FNIP2: variants seen among roughly 807,000 people sequenced by gnomAD.
FNIP2 encodes folliculin-interacting protein 2.
In FNIP2, 32 loss-of-function variants were observed where a neutral mutation model predicts 108.7. The observed-to-expected ratio is 0.29, with a 90% CI of 0.22 to 0.40. The LOEUF is 0.40. FNIP2 is among the 10% of genes least tolerant of loss of function. FNIP2 has a pLI of 1.00. For missense variants in FNIP2, 1,202 were observed against 1,381.6 expected, an observed-to-expected ratio of 0.87 and a Z score of 2.06; for synonymous variants, 480 against 496.7, an observed-to-expected ratio of 0.97 and a Z score of 0.45.
chr4:158,878,921 G>A (rs1560826077), intron 14 of FNIP2, among the ~76,000 whole-genome samples: 1 of 135,440 alleles, frequency 7.4e-6, no homozygotes, highest in Non-Finnish European at 1.6e-5. Flanking sequence ...AAAACTCCAG[G>A]TATAGGTTAA....
chr4:158,856,989 A>C (rs1226254455), intron 8 of FNIP2, among the ~76,000 whole-genome samples: 1 of 152,188 alleles, frequency 6.6e-6, no homozygotes, highest in Admixed American at 6.5e-5. Context: ...AATTCAGTGG[A>C]GGGTTATGGT....
chr4:158,771,193 A>G (rs990596597), intron 1 of FNIP2, among the ~76,000 whole-genome samples: 20 of 152,272 alleles, frequency 1.3e-4, no homozygotes, highest in African/African-American at 4.8e-4. Context: ...ATCCCAGTTG[A>G]ACATCCTACT....
At chr4:158,814,656 G>C (rs1777463422) in intron 1 of FNIP2, among the ~76,000 whole-genome samples, 1 of 152,196 alleles carries the variant, frequency 6.6e-6, no homozygotes. Flanking sequence ...AATGAGAAAA[G>C]GGGTTGCTTT....
chr4:158,864,979 C>T (rs1243522355), intron 12 of FNIP2, among the ~76,000 whole-genome samples: 1 of 152,092 alleles, frequency 6.6e-6, no homozygotes, highest in Non-Finnish European at 1.5e-5. Context: ...TGAGTCTCCA[C>T]TCTGTGTCCC....
At chr4:158,802,541 A>G (rs903994141) in intron 1 of FNIP2, among the ~76,000 whole-genome samples, 1 of 152,192 alleles carries the variant, frequency 6.6e-6, no homozygotes, top group Non-Finnish European at 1.5e-5. Context: ...CTTCTGAGTT[A>G]ATTTTTCATT....
chr4:158,885,165 A>T (rs1016856106), intron 14 of FNIP2, among the ~76,000 whole-genome samples: 12 of 152,032 alleles, frequency 7.9e-5, no homozygotes, highest in East Asian at 5.8e-4. Flanking sequence ...CAAAAAAAAT[A>T]AAAAAATCAG....
At chr4:158,829,773 G>A (rs1258805491) in intron 3 of FNIP2, among the ~76,000 whole-genome samples, 2 of 151,732 alleles carry the variant, frequency 1.3e-5, no homozygotes, top group African/African-American at 2.4e-5. Flanking sequence ...AGAAATATTG[G>A]CTAACAAGAT....
intron 1 of FNIP2, among the ~76,000 whole-genome samples, chr4:158,777,690 A>G (rs1775904379): frequency 6.6e-6 from 1 of 152,198 alleles, no homozygotes; most frequent in African/African-American, 2.4e-5. Flanking sequence ...CCTGGTAGCC[A>G]CTTGGTGCTG....
intron 14 of FNIP2, among the ~76,000 whole-genome samples, chr4:158,877,665 G>C (rs1322488791): frequency 6.6e-6 from 1 of 152,248 alleles, no homozygotes; most frequent in Non-Finnish European, 1.5e-5. Context: ...ATGGGGCAGA[G>C]ATGCTTTTGG....
intron 1 of FNIP2, among the ~76,000 whole-genome samples, chr4:158,803,744 G>T (rs1349350773): frequency 4.6e-5 from 7 of 152,188 alleles, no homozygotes; most frequent in African/African-American, 1.7e-4. Flanking sequence ...TTTCTGTTAA[G>T]ATATCATGTT....
intron 1 of FNIP2, among the ~76,000 whole-genome samples, chr4:158,770,333 C>T (rs750187850): frequency 1.3e-5 from 2 of 152,108 alleles, no homozygotes; most frequent in African/African-American, 4.8e-5. Context: ...AATTGAGCAC[C>T]AACTCCCAAT....
chr4:158,790,481 G>T (rs145727309), intron 1 of FNIP2, among the ~76,000 whole-genome samples: 2 of 152,184 alleles, frequency 1.3e-5, no homozygotes, highest in East Asian at 3.9e-4. Flanking sequence ...GGCTGGGCAT[G>T]GTGGCTCACG....
chr4:158,895,327 ATTAT>A (rs1782577364), intron 15 of FNIP2, among the ~76,000 whole-genome samples: 1 of 152,238 alleles, frequency 6.6e-6, no homozygotes, highest in Non-Finnish European at 1.5e-5. Context: ...TGTTTACTAA[ATTAT>A]TTATAACAAA....
chr4:158,865,175 A>G (rs556862396), intron 12 of FNIP2, among the ~76,000 whole-genome samples: 1 of 152,282 alleles, frequency 6.6e-6, no homozygotes, highest in South Asian at 2.1e-4. Flanking sequence ...TTTTTAATTG[A>G]GGTAAAAAGC....
At chr4:158,791,027 A>G (rs955465008) in intron 1 of FNIP2, among the ~76,000 whole-genome samples, 4 of 152,182 alleles carry the variant, frequency 2.6e-5, no homozygotes, top group African/African-American at 9.6e-5. Context: ...TTAGAATTAA[A>G]CAGTTTTCTG....
chr4:158,890,315 A>G, intron 14 of FNIP2: 2 of 985,148 alleles, frequency 2.0e-6, no homozygotes, highest in Non-Finnish European at 2.4e-6. Context: ...TATAAACCCT[A>G]TTACCAGGGT....
chr4:158,891,127 A>C (rs1296650644), intron 14 of FNIP2, among the ~76,000 whole-genome samples: 1 of 152,126 alleles, frequency 6.6e-6, no homozygotes, highest in Non-Finnish European at 1.5e-5. Flanking sequence ...GGTTAGAAGA[A>C]TGTGCATATG....
chr4:158,903,709 G>GA lies in FNIP2; in HGVS notation c.3267-753dup, dbSNP rs143078270. On this transcript the variant is annotated intron_variant, in intron 16 of 16. Transcript: ENST00000264433. ...ATGTAGCATTACTGGAGAAGGACTA[G>GA]AAAACCCCATGAGGTAATGCCAGAT... Among the ~76,000 whole-genome samples the GA allele has an allele frequency of 2.8e-3, 424 of 152,248 alleles. 3 individuals carry two copies. Among genetic ancestry groups the GA allele is most frequent in the African/African-American group, 9.7e-3 (403 of 41,558 alleles).
intron 14 of FNIP2, among the ~76,000 whole-genome samples, chr4:158,875,775 C>T (rs1781247882): frequency 6.6e-6 from 1 of 151,994 alleles, no homozygotes; most frequent in African/African-American, 2.4e-5. Flanking sequence ...GGATAATAAA[C>T]ATGGCAGTGC....
Sources: gnomAD v4.1 joint callset for allele counts (sites outside exome capture counted in the v4.1 genomes callset) on GRCh38, gnomAD v4.1.1 for gene constraint, MANE v1.5 for transcripts, NCBI Gene and HGNC (gene_info 2026-07-23, HGNC 2026-07-21) for gene names.